Variants in FAM156A observed in about 807,000 individuals in gnomAD.
FAM156A encodes family with sequence similarity 156 member A, also known as protein FAM156A/FAM156B.
intron 1 of FAM156A, among the ~76,000 whole-genome samples, chrX:52,987,647 C>CA (rs782773978): frequency 0.01 from 720 of 71,620 alleles, 5 homozygotes; most frequent in African/African-American, 0.032. Flanking sequence ...GACCCTGTCT[C>CA]AAAAAAAAAA....
At chrX:52,987,369 A>G (rs1266940932) in intron 1 of FAM156A, among the ~76,000 whole-genome samples, 2 of 111,857 alleles carry the variant, frequency 1.8e-5, no homozygotes, top group Non-Finnish European at 3.8e-5. Context: ...AACAGTCAAA[A>G]TGACTTTGAA....
chrX:52,986,838 A>G (rs984093796), intron 1 of FAM156A, among the ~76,000 whole-genome samples: 1 of 111,807 alleles, frequency 8.9e-6, no homozygotes, highest in East Asian at 2.8e-4. Context: ...TATTGTACTG[A>G]AAGTTCCAAC....
At chrX:52,972,969 C>A (rs1929140882) in intron 1 of FAM156A, among the ~76,000 whole-genome samples, 1 of 47,993 alleles carries the variant, frequency 2.1e-5, no homozygotes, top group South Asian at 1.2e-3. Context: ...GGACAAAAAA[C>A]CAAACACCGC....
At chrX:52,989,462 A>G (rs1602061013) in intron 1 of FAM156A, among the ~76,000 whole-genome samples, 3 of 112,037 alleles carry the variant, frequency 2.7e-5, no homozygotes, top group Admixed American at 9.4e-5. Context: ...ATTCATGAGC[A>G]TCCCCTGCAT....
chrX:52,990,852 A>AAAAGAAAAGAAAAGG (rs1930711621), intron 1 of FAM156A, among the ~76,000 whole-genome samples: 1 of 110,648 alleles, frequency 9.0e-6, no homozygotes, highest in Non-Finnish European at 1.9e-5. Flanking sequence ...AAAAGAAAAG[A>AAAAGAAAAGAAAAGG]AAAGATGCTG....
intron 1 of FAM156A, among the ~76,000 whole-genome samples, chrX:52,974,647 G>T (rs1929309278): frequency 9.0e-6 from 1 of 111,036 alleles, no homozygotes; most frequent in Non-Finnish European, 1.9e-5. Flanking sequence ...GCCATCTTAA[G>T]GGGCATGAAT....
chrX:52,984,801 G>A (rs1930149975), intron 1 of FAM156A, among the ~76,000 whole-genome samples: 1 of 109,781 alleles, frequency 9.1e-6, no homozygotes, highest in Non-Finnish European at 1.9e-5. Flanking sequence ...CCTGGGAGGC[G>A]GAGGTTGCAG....
At chrX:52,986,905 T>C (rs1386822497) in intron 1 of FAM156A, among the ~76,000 whole-genome samples, 2 of 111,964 alleles carry the variant, frequency 1.8e-5, no homozygotes, top group Non-Finnish European at 3.8e-5. Flanking sequence ...AAGGAGGGAC[T>C]ACAACTACTC....
intron 1 of FAM156A, among the ~76,000 whole-genome samples, chrX:52,985,028 A>C (rs1336547440): frequency 9.0e-6 from 1 of 111,531 alleles, no homozygotes; most frequent in Non-Finnish European, 1.9e-5. Flanking sequence ...GAAGAACTGA[A>C]TGACACCATT....
chrX:52,984,461 A>G (rs1240528313), intron 1 of FAM156A, among the ~76,000 whole-genome samples: 1 of 112,611 alleles, frequency 8.9e-6, no homozygotes, highest in Non-Finnish European at 1.9e-5. Flanking sequence ...CCCAAATCCA[A>G]GTTCCCTGAT....
intron 1 of FAM156A, among the ~76,000 whole-genome samples, chrX:52,975,517 C>A (rs1387340293): frequency 6.2e-5 from 7 of 112,164 alleles, no homozygotes; most frequent in Non-Finnish European, 1.1e-4. Context: ...TCCCCCAATT[C>A]CTCTTTCAGG....
intron 1 of FAM156A, among the ~76,000 whole-genome samples, chrX:52,975,027 C>T (rs1444679056): frequency 2.5e-4 from 25 of 101,876 alleles, no homozygotes; most frequent in African/African-American, 8.1e-4. Context: ...ATTTCAGGTG[C>T]GCCCTCCCTC....
intron 1 of FAM156A, among the ~76,000 whole-genome samples, chrX:52,978,647 A>G (rs1271786785): frequency 2.7e-5 from 3 of 112,790 alleles, no homozygotes; most frequent in African/African-American, 6.4e-5. Context: ...GGGACTGCAC[A>G]GGCAATAGAT....
At chrX:52,975,613 T>C (rs1369917742) in intron 1 of FAM156A, among the ~76,000 whole-genome samples, 7 of 111,748 alleles carry the variant, frequency 6.3e-5, no homozygotes, top group African/African-American at 1.9e-4. Context: ...ATGGCGTCAC[T>C]GGGGGAGCGT....
chrX:52,990,806 GAAAAGAAAAGA>G (rs1324592525), intron 1 of FAM156A, among the ~76,000 whole-genome samples: 3 of 78,721 alleles, frequency 3.8e-5, no homozygotes, highest in African/African-American at 1.5e-4. Context: ...AGAAAGAAAA[GAAAAGAAAAGA>G]AAAGAAAAGA....
intron 1 of FAM156A, among the ~76,000 whole-genome samples, chrX:52,977,983 T>C (rs1325137216): frequency 8.9e-6 from 1 of 111,851 alleles, no homozygotes; most frequent in Non-Finnish European, 1.9e-5. Context: ...TAAAAATTTA[T>C]ATGCTTTTGT....
intron 1 of FAM156A, among the ~76,000 whole-genome samples, chrX:52,991,659 G>A (rs5951143): frequency 0.092 from 10,248 of 111,059 alleles, 413 homozygotes; most frequent in Non-Finnish European, 0.13. Flanking sequence ...GGAGGCTAAG[G>A]TCCATCTGTC....
At chrX:52,976,323 A>G (rs1275224692) in intron 1 of FAM156A, among the ~76,000 whole-genome samples, 4 of 110,844 alleles carry the variant, frequency 3.6e-5, no homozygotes, top group Non-Finnish European at 5.7e-5. Flanking sequence ...GCATACCTGT[A>G]ATGCCAGCTA....
At chrX:52,988,413 G>A (rs782207429) in intron 1 of FAM156A, among the ~76,000 whole-genome samples, 9 of 110,623 alleles carry the variant, frequency 8.1e-5, no homozygotes, top group African/African-American at 2.0e-4. Context: ...GGGTGCCAGC[G>A]CTTAGGGGTG....
Sources: allele counts gnomAD v4.1 joint callset (sites outside exome capture counted in the v4.1 genomes callset), GRCh38; gene constraint gnomAD v4.1.1; transcripts MANE v1.5; gene names NCBI Gene and HGNC (gene_info 2026-07-23, HGNC 2026-07-21).